The following RBMS3 variants were observed in gnomAD, a reference collection of about 807,000 sequenced individuals.
The protein encoded by RBMS3 is RNA-binding motif, single-stranded-interacting protein 3.
RBMS3 carries 27 observed loss-of-function variants against 66.8 expected under a neutral mutation model. The observed-to-expected ratio is 0.40, with a 90% CI of 0.30 to 0.56. RBMS3 has a LOEUF of 0.56. Among genes scored for constraint, RBMS3 ranks in the 20% least tolerant of loss-of-function variants. The probability of loss-of-function intolerance (pLI) is 0.40; values close to 1 mark genes in which losing one functional copy is unlikely to be tolerated. For missense variants in RBMS3, 513 were observed against 549.5 expected, an observed-to-expected ratio of 0.93 and a Z score of 0.66; for synonymous variants, 188 against 183.0, an observed-to-expected ratio of 1.03 and a Z score of -0.22.
At chr3:29,444,425 A>T (rs2041741554) in intron 2 of RBMS3, among the ~76,000 whole-genome samples, 1 of 152,100 alleles carries the variant, frequency 6.6e-6, no homozygotes, top group South Asian at 2.1e-4. Context: ...GGGAGTGTGT[A>T]TAACAATAAA....
chr3:29,534,137 G>A (rs145647467), intron 3 of RBMS3, among the ~76,000 whole-genome samples: 170 of 152,300 alleles, frequency 1.1e-3, no homozygotes, highest in African/African-American at 4.0e-3. Flanking sequence ...AATAGCACCT[G>A]CCACCTGTAG....
At chr3:29,704,928 TCTTA>T (rs999569658) in intron 4 of RBMS3, among the ~76,000 whole-genome samples, 6 of 152,216 alleles carry the variant, frequency 3.9e-5, no homozygotes, top group African/African-American at 1.4e-4. Context: ...AGGGGTTAGT[TCTTA>T]CTTCCAAATT....
chr3:29,630,067 G>A (rs954560940), intron 4 of RBMS3, among the ~76,000 whole-genome samples: 3 of 151,936 alleles, frequency 2.0e-5, no homozygotes, highest in Admixed American at 1.3e-4. Flanking sequence ...AAACTTAGTA[G>A]CCACACTCTA....
intron 1 of RBMS3, among the ~76,000 whole-genome samples, chr3:29,430,636 A>T (rs1460098289): frequency 6.6e-6 from 1 of 152,216 alleles, no homozygotes; most frequent in East Asian, 1.9e-4. Context: ...AGGGGGGAAA[A>T]GAATTAAGTA....
intron 4 of RBMS3, among the ~76,000 whole-genome samples, chr3:29,674,317 G>T (rs1363375000): frequency 6.6e-6 from 1 of 152,124 alleles, no homozygotes; most frequent in East Asian, 1.9e-4. Flanking sequence ...GGCAAAGATT[G>T]GAAGCATTCC....
chr3:29,459,379 T>C (rs997261923), intron 2 of RBMS3, among the ~76,000 whole-genome samples: 2 of 152,202 alleles, frequency 1.3e-5, no homozygotes, highest in African/African-American at 4.8e-5. Flanking sequence ...TTCTGTTCTC[T>C]TTTTGTCCCT....
chr3:29,949,753 AT>A (rs900536319), intron 12 of RBMS3, among the ~76,000 whole-genome samples: 5 of 151,306 alleles, frequency 3.3e-5, no homozygotes, highest in East Asian at 1.9e-4. Flanking sequence ...TTTTTTATAT[AT>A]TTTTTTAATA....
At chr3:29,759,755 T>A (rs1296427336) in intron 5 of RBMS3, among the ~76,000 whole-genome samples, 3 of 152,108 alleles carry the variant, frequency 2.0e-5, no homozygotes, top group African/African-American at 7.2e-5. Flanking sequence ...ACTTTTGTTC[T>A]GCTTCCACGT....
chr3:29,544,100 A>G (rs1342147118), intron 3 of RBMS3, among the ~76,000 whole-genome samples: 2 of 152,164 alleles, frequency 1.3e-5, no homozygotes, highest in African/African-American at 4.8e-5. Context: ...CTAACACAGT[A>G]TACAAAGGAA....
intron 3 of RBMS3, among the ~76,000 whole-genome samples, chr3:29,509,970 C>T (rs1694986838): frequency 6.6e-6 from 1 of 152,182 alleles, no homozygotes; most frequent in Non-Finnish European, 1.5e-5. Flanking sequence ...ATTCTCAATT[C>T]ATGGTTATAG....
intron 14 of RBMS3, among the ~76,000 whole-genome samples, chr3:29,991,879 G>A (rs1698901364): frequency 1.3e-5 from 2 of 152,132 alleles, no homozygotes; most frequent in Admixed American, 6.5e-5. Flanking sequence ...AAGATATGAA[G>A]CAATATAAAA....
chr3:29,583,388 A>G (rs1331258421), intron 3 of RBMS3, among the ~76,000 whole-genome samples: 1 of 152,184 alleles, frequency 6.6e-6, no homozygotes, highest in Non-Finnish European at 1.5e-5. Context: ...ACTTAGCATT[A>G]TGTGTTCTTT....
chr3:29,486,330 C>T (rs1381143067), intron 2 of RBMS3, among the ~76,000 whole-genome samples: 2 of 152,086 alleles, frequency 1.3e-5, no homozygotes, highest in African/African-American at 2.4e-5. Flanking sequence ...AATGTTGTAA[C>T]GGAGCCATGG....
intron 4 of RBMS3, among the ~76,000 whole-genome samples, chr3:29,592,113 G>A (rs2047758882): frequency 6.8e-6 from 1 of 146,056 alleles, no homozygotes; most frequent in East Asian, 2.2e-4. Flanking sequence ...AAAACCAGTG[G>A]ATTTTTTACT....
chr3:29,782,697 A>C (rs796603809), intron 6 of RBMS3, among the ~76,000 whole-genome samples: 2 of 152,320 alleles, frequency 1.3e-5, no homozygotes, highest in African/African-American at 4.8e-5. Flanking sequence ...CTGAATTGCC[A>C]AAAAAAGAAT....
intron 1 of RBMS3, among the ~76,000 whole-genome samples, chr3:29,301,933 A>G (rs1205473473): frequency 6.6e-6 from 1 of 151,994 alleles, no homozygotes; most frequent in Non-Finnish European, 1.5e-5. Flanking sequence ...ATGATTTTGA[A>G]GCCCAATTTT....
intron 10 of RBMS3, among the ~76,000 whole-genome samples, chr3:29,919,514 A>G (rs2060716392): frequency 1.3e-5 from 2 of 152,218 alleles, no homozygotes; most frequent in Admixed American, 1.3e-4. Flanking sequence ...TGTGAAGTCA[A>G]TCATTGCTCC....
chr3:29,432,477 A>AT (rs1234308196), intron 1 of RBMS3, among the ~76,000 whole-genome samples: 1 of 152,204 alleles, frequency 6.6e-6, no homozygotes, highest in East Asian at 1.9e-4. Flanking sequence ...ATTGCAAGAA[A>AT]TGAAGCTGGG....
At chr3:29,617,371 G>A (rs549046120) in intron 4 of RBMS3, among the ~76,000 whole-genome samples, 3 of 152,298 alleles carry the variant, frequency 2.0e-5, no homozygotes, top group African/African-American at 2.4e-5. Context: ...AAAAAAGAAC[G>A]TACACTATGA....
Sources: allele counts gnomAD v4.1 joint callset (sites outside exome capture counted in the v4.1 genomes callset), GRCh38; gene constraint gnomAD v4.1.1; transcripts MANE v1.5; gene names NCBI Gene and HGNC (gene_info 2026-07-23, HGNC 2026-07-21).